The following CACNA1D variants were observed in gnomAD, a reference collection of about 807,000 sequenced individuals.
CACNA1D encodes calcium voltage-gated channel subunit alpha1 D, also known as voltage-dependent L-type calcium channel subunit alpha-1D.
A neutral mutation model predicts 257.1 loss-of-function variants in CACNA1D; 55 were observed. The observed-to-expected ratio is 0.21, with a 90% CI of 0.17 to 0.27. The LOEUF (loss-of-function observed/expected upper bound fraction) is 0.27. Ranked by LOEUF, CACNA1D falls within the 10% of genes least tolerant of loss-of-function variation. CACNA1D has a pLI of 1.00. For synonymous variants in CACNA1D, 980 were observed against 1,014.9 expected (o/e 0.97, Z 0.65); for missense variants, 1,876 against 2,784.0 (o/e 0.67, Z 7.34).
chr3:53,599,405 A>G (rs999389538), intron 3 of CACNA1D, among the ~76,000 whole-genome samples: 2 of 152,202 alleles, frequency 1.3e-5, no homozygotes, highest in Admixed American at 1.3e-4. Flanking sequence ...TGAAGCATAT[A>G]CAGGATTTTT....
chr3:53,732,430 T>C (rs985621450), intron 18 of CACNA1D, among the ~76,000 whole-genome samples: 18 of 152,254 alleles, frequency 1.2e-4, no homozygotes, highest in Middle Eastern at 3.4e-3. Flanking sequence ...GTTGGGAGCC[T>C]AGGAGCTGAT....
chr3:53,746,980 C>T (rs1486350687), intron 25 of CACNA1D, among the ~76,000 whole-genome samples: 5 of 152,158 alleles, frequency 3.3e-5, no homozygotes, highest in Admixed American at 2.6e-4. Flanking sequence ...CTTCAGAGCG[C>T]GCCTCAAGCC....
At chr3:53,554,477 GC>G (rs1327540039) in intron 3 of CACNA1D, among the ~76,000 whole-genome samples, 1 of 152,190 alleles carries the variant, frequency 6.6e-6, no homozygotes, top group Admixed American at 6.5e-5. Context: ...CTGTGAGCAT[GC>G]CCTGATGAGT....
intron 3 of CACNA1D, among the ~76,000 whole-genome samples, chr3:53,556,842 A>G (rs1559836992): frequency 6.6e-6 from 1 of 151,788 alleles, no homozygotes; most frequent in Non-Finnish European, 1.5e-5. Flanking sequence ...CAGCCTCCTG[A>G]GTAGCTGGGG....
intron 3 of CACNA1D, among the ~76,000 whole-genome samples, chr3:53,563,829 A>C (rs1575884666): frequency 6.6e-6 from 1 of 152,312 alleles, no homozygotes; most frequent in Non-Finnish European, 1.5e-5. Context: ...AGATAATTCA[A>C]ATGGTGCTAT....
chr3:53,698,741 C>G (rs2094594403), intron 8 of CACNA1D, among the ~76,000 whole-genome samples: 1 of 152,054 alleles, frequency 6.6e-6, no homozygotes, highest in Non-Finnish European at 1.5e-5. Flanking sequence ...TTTAGATACA[C>G]CTGAGAGAAA....
At chr3:53,563,591 C>T (rs986289651) in intron 3 of CACNA1D, among the ~76,000 whole-genome samples, 1 of 149,462 alleles carries the variant, frequency 6.7e-6, no homozygotes, top group Admixed American at 6.7e-5. Context: ...AGTTTTACCA[C>T]ATATGTTTTA....
intron 3 of CACNA1D, among the ~76,000 whole-genome samples, chr3:53,582,248 A>G (rs909450888): frequency 7.9e-5 from 12 of 151,908 alleles, no homozygotes; most frequent in African/African-American, 2.4e-4. Flanking sequence ...CCCAGCAAAC[A>G]TTTCATGTTT....
Position 53,744,788 on chromosome 3 carries a change from G to C in CACNA1D, c.2967G>C (p.Leu989=), listed in dbSNP as rs1385968548. 6.2e-6 allele frequency: 10 copies of C among 1,610,534 alleles called. No homozygotes were observed. Among genetic ancestry groups the C allele is most frequent in the Non-Finnish European group, 8.5e-6 (10 of 1,176,834 alleles). Residue 989 remains leucine, a synonymous_variant, in exon 23 of 48, where the codon CTG becomes CTC. Coordinates refer to ENST00000350061, the MANE Select transcript of CACNA1D (RefSeq NM_001128840.3). ...AGATTCTGAGGGTCTTAAGGGTCCT[G>C]CGTCCCCTCAGGGCCATCAACAGAG... The part of the protein sequence containing the change: ...VVKILRVLRV[L]RPLRAINRAK...
intron 9 of CACNA1D, among the ~76,000 whole-genome samples, chr3:53,704,147 G>T (rs1423298268): frequency 2.0e-5 from 3 of 152,144 alleles, no homozygotes; most frequent in Non-Finnish European, 4.4e-5. Context: ...AGGTGCAATT[G>T]TGCCTCTTCT....
intron 3 of CACNA1D, among the ~76,000 whole-genome samples, chr3:53,620,147 G>T: frequency 6.6e-6 from 1 of 152,172 alleles, no homozygotes; most frequent in Middle Eastern, 3.2e-3. Context: ...GCTCTCAGGG[G>T]TGCGACAGAG....
intron 28 of CACNA1D, among the ~76,000 whole-genome samples, chr3:53,753,147 A>G (rs925187838): frequency 9.2e-5 from 14 of 152,214 alleles, no homozygotes; most frequent in Non-Finnish European, 1.3e-4. Context: ...GTGCTGACGT[A>G]GAAGAAAGTG....
chr3:53,806,499 C>G (rs979811113), intron 45 of CACNA1D, among the ~76,000 whole-genome samples: 6 of 152,156 alleles, frequency 3.9e-5, no homozygotes, highest in Non-Finnish European at 8.8e-5. Flanking sequence ...CAGCCCTGGC[C>G]CCTTCCAGCC....
At chr3:53,579,448 C>T (rs1293566405) in intron 3 of CACNA1D, among the ~76,000 whole-genome samples, 1 of 152,142 alleles carries the variant, frequency 6.6e-6, no homozygotes, top group Non-Finnish European at 1.5e-5. Context: ...AAAGATGCCT[C>T]ATATATGACA....
intron 46 of CACNA1D, chr3:53,809,206 C>T: frequency 4.9e-6 from 1 of 204,018 alleles, no homozygotes; most frequent in East Asian, 1.3e-4. Flanking sequence ...CCTGTGGGTA[C>T]TATGCAGGGT....
At chr3:53,700,849 C>CT (rs10627760) in intron 8 of CACNA1D, among the ~76,000 whole-genome samples, 6,671 of 147,028 alleles carry the variant, frequency 0.045, 470 homozygotes, top group African/African-American at 0.15. Context: ...TTTTTCTTTT[C>CT]TTTTTTTTTT....
At chr3:53,777,236 C>T (rs1388765234) in intron 37 of CACNA1D, among the ~76,000 whole-genome samples, 1 of 152,142 alleles carries the variant, frequency 6.6e-6, no homozygotes, top group Non-Finnish European at 1.5e-5. Context: ...AGGAGTTTGT[C>T]AGAGGCAGGG....
At chr3:53,722,545 C>T in intron 12 of CACNA1D, 71 bp downstream of exon 12, 1 of 1,429,820 alleles carries the variant, frequency 7.0e-7, no homozygotes, top group Non-Finnish European at 9.9e-7. Flanking sequence ...GCCATTTGGT[C>T]TTATCTGATC....
intron 5 of CACNA1D, among the ~76,000 whole-genome samples, chr3:53,660,628 C>T (rs2094194179): frequency 6.6e-6 from 1 of 152,056 alleles, no homozygotes; most frequent in Admixed American, 6.5e-5. Context: ...CAGGCCTGCC[C>T]CTCTGAAAGT....
Sources: allele counts gnomAD v4.1 joint callset (sites outside exome capture counted in the v4.1 genomes callset), GRCh38; gene constraint gnomAD v4.1.1; transcripts MANE v1.5; gene names NCBI Gene and HGNC (gene_info 2026-07-23, HGNC 2026-07-21).